SLC12A1: variants seen among roughly 807,000 people sequenced by gnomAD.
SLC12A1 encodes solute carrier family 12 member 1, also known as Na-K-2Cl cotransporter.
A neutral mutation model predicts 130.4 loss-of-function variants in SLC12A1; 89 were observed. That is an observed-to-expected ratio of 0.68 (90% CI 0.58 to 0.81). The LOEUF is 0.81. Among genes scored for constraint, SLC12A1 ranks in the 40% least tolerant of loss-of-function variants. SLC12A1 has a pLI of 0.00. For synonymous variants in SLC12A1, 499 were observed against 460.0 expected, an observed-to-expected ratio of 1.08 and a Z score of -1.09; for missense variants, 1,310 against 1,336.4, an observed-to-expected ratio of 0.98 and a Z score of 0.31.
intron 2 of SLC12A1, among the ~76,000 whole-genome samples, chr15:48,212,079 T>C (rs909555692): frequency 6.6e-6 from 1 of 152,146 alleles, no homozygotes; most frequent in African/African-American, 2.4e-5. Context: ...TGAACATTAG[T>C]TTCTATAAGT....
intron 19 of SLC12A1, among the ~76,000 whole-genome samples, chr15:48,273,906 T>C (rs554493641): frequency 1.2e-4 from 18 of 152,316 alleles, no homozygotes; most frequent in African/African-American, 3.8e-4. Flanking sequence ...GCTTCCATAT[T>C]TAGCACCAGA....
chr15:48,300,998 T>A (rs1472255615), intron 25 of SLC12A1, among the ~76,000 whole-genome samples: 1 of 152,312 alleles, frequency 6.6e-6, no homozygotes, highest in South Asian at 2.1e-4. Flanking sequence ...TGAGGCTCCT[T>A]GTAGTGTAGG....
chr15:48,285,243 A>G lies in SLC12A1; in HGVS notation c.2623A>G (p.Lys875Glu). The G allele has an allele frequency of 6.2e-7, 1 of 1,613,374 alleles. No individual in the cohort carries two copies. The highest frequency in any genetic ancestry group is 8.5e-7 in the Non-Finnish European group (1 of 1,179,632). Residue 875 changes from lysine (K) to glutamate (E), a missense_variant, in exon 21 of 27, where the codon AAA becomes GAA. By Grantham distance (56) the Lys-to-Glu change is moderately conservative. Transcript: ENST00000380993. ...GTTGAACATTACTAAGACAACGCCTAAAAAAGGTAAGAACTTTTTAAAATT... is the reference window on the plus strand; with the variant it reads ...GTTGAACATTACTAAGACAACGCCTGAAAAAGGTAAGAACTTTTTAAAATT... ...GKLNITKTTP[K>E]KDGSINTSQS...
chr15:48,261,720 G>A (rs1040767919), intron 17 of SLC12A1, among the ~76,000 whole-genome samples: 5 of 152,116 alleles, frequency 3.3e-5, no homozygotes, highest in African/African-American at 1.2e-4. Flanking sequence ...CCAACCTTGT[G>A]GAAAATGTTA....
intron 18 of SLC12A1, among the ~76,000 whole-genome samples, chr15:48,268,438 T>C (rs2041857543): frequency 6.6e-6 from 1 of 152,142 alleles, no homozygotes; most frequent in Non-Finnish European, 1.5e-5. Context: ...ATTATATATA[T>C]ATGAAATGGT....
intron 20 of SLC12A1, among the ~76,000 whole-genome samples, chr15:48,276,656 T>C (rs79499786): frequency 0.022 from 3,353 of 152,278 alleles, 126 homozygotes; most frequent in African/African-American, 0.077. Context: ...TTATTGCTTA[T>C]GACACCCTGT....
chr15:48,226,647 T>A, intron 5 of SLC12A1, 76 bp downstream of exon 5: 1 of 882,770 alleles, frequency 1.1e-6, no homozygotes, highest in Non-Finnish European at 1.9e-6. Context: ...TTCTTTTTGA[T>A]GGGAACAAGG....
intron 26 of SLC12A1, among the ~76,000 whole-genome samples, chr15:48,302,409 A>C (rs967352319): frequency 6.6e-6 from 1 of 151,532 alleles, no homozygotes; most frequent in Non-Finnish European, 1.5e-5. Context: ...TCATGAGGTC[A>C]GGAGATCGAG....
rs554010161 is a variant in SLC12A1, at chr15:48,226,420, G to A, written c.629-56G>A. 1.0e-4 allele frequency: 109 copies of A among 1,088,172 alleles called. No individual in the cohort carries two copies. In the African/African-American group the frequency reaches 1.6e-3, roughly 16 times the overall value. 67.4% of individuals were successfully genotyped at this position (1,088,172 alleles called of 1,614,324 possible). A position where few individuals can be genotyped will look rare whatever the true frequency, so the allele number is the denominator to read the frequency against. On this transcript the variant is annotated intron_variant, in intron 4 of 26. Coordinates refer to ENST00000380993, the MANE Select transcript of SLC12A1 (RefSeq NM_000338.3). ...AAAGGCAGTGTAGTTTGCAGCAATA[G>A]GGAATCCAAGGAAGAAAAGTAAAAT...
At chr15:48,226,295 A>G (rs1334287363) in intron 4 of SLC12A1, 181 bp from the exon 5 acceptor site, 4 of 530,732 alleles carry the variant, frequency 7.5e-6, no homozygotes, top group African/African-American at 2.0e-5. Context: ...CATCATAATG[A>G]GCAGTTCTCT....
chr15:48,267,522 A>G, intron 17 of SLC12A1, 39 bp from the exon 18 acceptor site: 2 of 1,610,122 alleles, frequency 1.2e-6, no homozygotes, highest in Non-Finnish European at 1.7e-6. Context: ...GTGATATATA[A>G]TAGCAGGGTT....
At chr15:48,237,728 T>C (rs544319923) in intron 9 of SLC12A1, among the ~76,000 whole-genome samples, 1 of 152,350 alleles carries the variant, frequency 6.6e-6, no homozygotes, top group South Asian at 2.1e-4. Flanking sequence ...AGGGGTCCTT[T>C]TAACTACAGA....
intron 2 of SLC12A1, among the ~76,000 whole-genome samples, chr15:48,219,441 A>T (rs2041171416): frequency 6.6e-6 from 1 of 152,094 alleles, no homozygotes; most frequent in Admixed American, 6.5e-5. Flanking sequence ...CTGTAGTCCC[A>T]GCTACTCTAG....
rs188814200 is a variant in SLC12A1, at chr15:48,226,724, C to T, written c.724+153C>T. ...TGGATGCCAAAGAAAACCTAAGGTACGATGAGAATAGTCCAGGTCTACTCT... is the reference window on the plus strand; with the variant it reads ...TGGATGCCAAAGAAAACCTAAGGTATGATGAGAATAGTCCAGGTCTACTCT... On this transcript the variant is annotated intron_variant, in intron 5 of 26. Transcript: ENST00000380993. 184 of 659,930 alleles carry T rather than the reference C, an allele frequency of 2.8e-4. 1 individual carries two copies. The highest frequency in any genetic ancestry group is 7.9e-4 in the East Asian group (29 of 36,618). 40.9% of individuals were successfully genotyped at this position (659,930 alleles called of 1,614,324 possible). A position where few individuals can be genotyped will look rare whatever the true frequency, so the allele number is the denominator to read the frequency against.
intron 11 of SLC12A1, among the ~76,000 whole-genome samples, chr15:48,246,015 G>A (rs2041575634): frequency 6.6e-6 from 1 of 152,224 alleles, no homozygotes; most frequent in Admixed American, 6.5e-5. Context: ...TAATTTGTCT[G>A]CATGATTGGT....
intron 20 of SLC12A1, among the ~76,000 whole-genome samples, chr15:48,281,763 C>T (rs1056267557): frequency 1.3e-5 from 2 of 152,096 alleles, no homozygotes; most frequent in Admixed American, 1.3e-4. Context: ...AAAATGTAGT[C>T]GTGATGGTGG....
chr15:48,285,324 T>C (rs2042046416), intron 21 of SLC12A1, 75 bp downstream of exon 21: 1 of 1,444,296 alleles, frequency 6.9e-7, no homozygotes, highest in South Asian at 1.2e-5. Flanking sequence ...GAGTCCGAAG[T>C]CAGCATCTAA....
intron 21 of SLC12A1, among the ~76,000 whole-genome samples, chr15:48,285,869 G>A (rs1236391091): frequency 6.6e-6 from 1 of 152,202 alleles, no homozygotes; most frequent in Non-Finnish European, 1.5e-5. Flanking sequence ...CAAACGTTTG[G>A]TTTTTTGAAA....
At chr15:48,236,014 C>A (rs1277806730) in intron 9 of SLC12A1, among the ~76,000 whole-genome samples, 1 of 151,838 alleles carries the variant, frequency 6.6e-6, no homozygotes, top group African/African-American at 2.4e-5. Flanking sequence ...CAGCCACATG[C>A]CCAGATAAAA....
Sources: gnomAD v4.1 joint callset for allele counts (sites outside exome capture counted in the v4.1 genomes callset) on GRCh38, gnomAD v4.1.1 for gene constraint, MANE v1.5 for transcripts, NCBI Gene and HGNC (gene_info 2026-07-23, HGNC 2026-07-21) for gene names.